Variants in PLXNB1 observed in about 807,000 individuals in gnomAD.
PLXNB1 encodes the protein plexin B1.
A neutral mutation model predicts 209.4 loss-of-function variants in PLXNB1; 106 were observed. The ratio of observed to expected loss-of-function variants is 0.51; its 90% confidence interval spans 0.43 to 0.59. The LOEUF (loss-of-function observed/expected upper bound fraction) is 0.59, where lower values mean the gene tolerates loss of function less well. PLXNB1 is among the 20% of genes least tolerant of loss of function. The probability of loss-of-function intolerance (pLI) is 0.00; values close to 1 mark genes in which losing one functional copy is unlikely to be tolerated. For synonymous variants in PLXNB1, 1,167 were observed against 1,183.2 expected, an observed-to-expected ratio of 0.99 and a Z score of 0.28; for missense variants, 2,357 against 2,853.2, an observed-to-expected ratio of 0.83 and a Z score of 3.96.
chr3:48,416,500 C>T lies in PLXNB1; in HGVS notation c.3375-49G>A. 1 of 1,322,942 alleles carries T rather than the reference C, an allele frequency of 7.6e-7. No homozygotes were observed. The highest frequency in any genetic ancestry group is 1.1e-6 in the Non-Finnish European group (1 of 936,134). The allele number at this position is 1,322,942 out of a possible 1,614,324, so 82.0% of individuals were successfully genotyped here. ...GGGTGCCAGGCTGCATCAAGGGCCC[C>T]TCAAGCTTACCTGGCAGCCCCTCTC... On this transcript the variant is annotated intron_variant, in intron 16 of 37. Coordinates refer to ENST00000296440, the MANE Select transcript of PLXNB1 (RefSeq NM_001130082.3). This position sits in a 1 kb window ranked among gnomAD's most constrained non-coding sequence, Gnocchi z 4.1.
At position 48,419,149 on chromosome 3, in the gene PLXNB1, T is replaced by C; in HGVS notation, c.2832+95A>G. On this transcript the variant is annotated intron_variant, in intron 12 of 37. Transcript: ENST00000296440. This position sits in a 1 kb window ranked among gnomAD's most constrained non-coding sequence, Gnocchi z 5.7. ...CAGCTTCTGGGTTGGAGTTGAGCCC[T>C]CGGACTCTGCCCTCCTCCTGCTCCC... 1 of 1,561,702 alleles carries C rather than the reference T, an allele frequency of 6.4e-7. No homozygotes were observed. Among genetic ancestry groups the C allele is most frequent in the Non-Finnish European group, 8.7e-7 (1 of 1,148,428 alleles).
intron 21 of PLXNB1, 30 bp downstream of exon 21, chr3:48,414,769 G>C: frequency 6.2e-7 from 1 of 1,605,284 alleles, no homozygotes; most frequent in South Asian, 1.1e-5. Context: ...AGGGTCTCGG[G>C]GCCCTGCCAG....
At position 48,420,766 on chromosome 3, in the gene PLXNB1, C is replaced by G. The variant is rs2038457438; in HGVS notation, c.1927G>C (p.Ala643Pro). Residue 643 changes from alanine (A) to proline (P), a missense_variant, in exon 10 of 38, where the codon GCC (alanine) becomes CCC (proline). Coordinates refer to ENST00000296440, the MANE Select transcript of PLXNB1 (RefSeq NM_001130082.3). Reference sequence around the variant, plus strand: ...CACCCCCAGCGGCTGCTCACACAGGCCTGGCACCTGCACAGAGCACAGCCA... The same window carrying G: ...CACCCCCAGCGGCTGCTCACACAGGGCTGGCACCTGCACAGAGCACAGCCA... ...TELRPSAQCQ[A>P]CVSSRWGCNW... 6.2e-7 allele frequency: 1 copy of G among 1,613,934 alleles called. No homozygotes were observed. The highest frequency in any genetic ancestry group is 1.1e-5 in the South Asian group (1 of 91,080).
rs2038042074 is a variant in PLXNB1, at chr3:48,415,701, C to T, written c.3676G>A (p.Ala1226Thr). The change falls in exon 19 of 38, where the codon GCC (alanine) becomes ACC (threonine). Residue 1226 changes from alanine to threonine, a missense_variant. Physicochemically the swap from Ala to Thr is moderately conservative, Grantham distance 58 (BLOSUM62 0). This residue lies in a region of PLXNB1 where 743 missense variants were observed against 896.2 expected (regional missense o/e 0.83). Coordinates refer to ENST00000296440, the MANE Select transcript of PLXNB1 (RefSeq NM_001130082.3). The surrounding 1 kb of genome is among the most constrained non-coding windows in gnomAD (Gnocchi z 5.0). ...AACCACACAGCCACAGGGAGCGTGG[C>T]AGGCGTGGGGCGTGGGCTGGTCTCA... ...RCETSPRPTP[A>T]TLPVAVWFGA... is the part of the protein sequence containing the mutation. 3.9e-6 allele frequency: 6 copies of T among 1,555,036 alleles called. No homozygotes were observed. The highest frequency in any genetic ancestry group is 4.4e-6 in the Non-Finnish European group (5 of 1,148,834).
At position 48,414,780 on chromosome 3, in the gene PLXNB1, G is replaced by C; in HGVS notation, c.4209+19C>G. On this transcript the variant is annotated intron_variant, in intron 21 of 37. Coordinates refer to ENST00000296440, the MANE Select transcript of PLXNB1 (RefSeq NM_001130082.3). ...GGGAAGGGTCTCGGGGCCCTGCCAGGTCCAAGTAGGAGCTGTACCTCCACG... is the reference window on the plus strand; with the variant it reads ...GGGAAGGGTCTCGGGGCCCTGCCAGCTCCAAGTAGGAGCTGTACCTCCACG... The C allele has an allele frequency of 1.2e-6, 2 of 1,609,086 alleles. No homozygotes were observed. Among genetic ancestry groups the C allele is most frequent in the South Asian group, 2.2e-5 (2 of 90,890 alleles).
At position 48,426,715 on chromosome 3, in the gene PLXNB1, T is replaced by C. The variant is rs150983703; in HGVS notation, c.-59-1382A>G. Among the ~76,000 whole-genome samples, 830 of 152,166 alleles carry C rather than the reference T, an allele frequency of 5.5e-3. 3 individuals are homozygous for C. The highest frequency in any genetic ancestry group is 8.6e-3 in the Non-Finnish European group (586 of 67,988). Reference sequence around the variant, plus strand: ...ATAGCTTGGGGGTTTCCATTTTTAGTGTGCAGAAAACAGGGCAGCTCTATG... The same window carrying C: ...ATAGCTTGGGGGTTTCCATTTTTAGCGTGCAGAAAACAGGGCAGCTCTATG... On this transcript the variant is annotated intron_variant, in intron 1 of 37. Coordinates refer to ENST00000296440, the MANE Select transcript of PLXNB1 (RefSeq NM_001130082.3).
chr3:48,422,924 A>G lies in PLXNB1; in HGVS notation c.1131T>C (p.Cys377=), dbSNP rs763491079. ...TGGGGCTGGGCGTGTGGTCTGAGCC[A>G]CAGGGATAAGCATCCAGGGTGTCCT... ...LPVDTLDAYP[C]GSDHTPSPMA... is the part of the protein sequence containing the mutation. The change falls in exon 4 of 38, where the codon TGT becomes TGC. Residue 377 remains cysteine (C), a synonymous_variant. Coordinates refer to ENST00000296440, the MANE Select transcript of PLXNB1 (RefSeq NM_001130082.3). The G allele has an allele frequency of 5.6e-6, 9 of 1,613,786 alleles. No individual in the cohort carries two copies. In the Admixed American group the frequency reaches 1.5e-4, roughly 27 times the overall value.
intron 6 of PLXNB1, 117 bp downstream of exon 6, chr3:48,421,988 T>G: frequency 7.9e-7 from 1 of 1,267,574 alleles, no homozygotes. Context: ...GGAATTGGGG[T>G]GTCTGGGGAT....
chr3:48,423,941 C>T lies in PLXNB1; in HGVS notation c.671G>A (p.Arg224His), dbSNP rs200677699. 50 of 1,614,114 alleles carry T rather than the reference C, an allele frequency of 3.1e-5. 1 individual carries two copies. In the Middle Eastern group the frequency reaches 6.6e-4, roughly 21 times the overall value. The change falls in exon 3 of 38, where the codon CGT becomes CAT. Residue 224 changes from arginine to histidine, a missense_variant. This residue lies in a region of PLXNB1 where 404 missense variants were observed against 443.6 expected (regional missense o/e 0.91). Transcript: ENST00000296440. The stretch of plus-strand genomic sequence containing the variant: ...GAACAGGAAGTAGGCGCTGGCCCCA[C>T]GTGCAAAGGCACTCACGAAGTGGTG... ...YSHHFVSAFA[R>H]GASAYFLFLR...
chr3:48,410,762 C>T lies in PLXNB1; in HGVS notation c.5416+106G>A. On this transcript the variant is annotated intron_variant, in intron 29 of 37. Transcript: ENST00000296440. This position sits in a 1 kb window ranked among gnomAD's most constrained non-coding sequence, Gnocchi z 6.4. ...CCAAAGCCAGCTTCTGCCTGCCTCC[C>T]AGCATCCTCCCCACCCTGAGTGATG... 3.3e-6 allele frequency: 4 copies of T among 1,206,266 alleles called. No individual in the cohort carries two copies. The highest frequency in any genetic ancestry group is 4.6e-5 in the Admixed American group (2 of 43,476). 74.7% of individuals were successfully genotyped at this position (1,206,266 alleles called of 1,614,324 possible). A position where few individuals can be genotyped will look rare whatever the true frequency, so the allele number is the denominator to read the frequency against.
intron 4 of PLXNB1, 120 bp downstream of exon 4, chr3:48,422,645 G>T: frequency 7.9e-7 from 1 of 1,266,684 alleles, no homozygotes; most frequent in Non-Finnish European, 1.1e-6. Context: ...CCTGGGGAGA[G>T]GAGCTCAGGT....
chr3:48,408,722 A>G (rs538071337), intron 34 of PLXNB1, among the ~76,000 whole-genome samples: 4 of 152,078 alleles, frequency 2.6e-5, no homozygotes, highest in Non-Finnish European at 4.4e-5. Context: ...CCATGTCTCT[A>G]TCTGGAAACC....
chr3:48,414,998 C>A lies in PLXNB1; in HGVS notation c.4010G>T (p.Cys1337Phe). Residue 1337 changes from cysteine to phenylalanine, a missense_variant, in exon 21 of 38, where the codon TGC (cysteine) becomes TTC (phenylalanine). Around this residue, in one of 7 missense-constraint regions of PLXNB1, gnomAD observed 743 missense variants for 896.2 expected, o/e 0.83. Coordinates refer to ENST00000296440, the MANE Select transcript of PLXNB1 (RefSeq NM_001130082.3). Reference protein sequence around the residue: ...CHVNSSQLITCRTPALPGLPE... With the variant: ...CHVNSSQLITFRTPALPGLPE... The stretch of plus-strand genomic sequence containing the variant: ...CAGGCCTGGGAGGGCAGGTGTGCGG[C>A]ACGTGATGAGCTGGGAGGAGTTGAC... 1 of 1,613,596 alleles carries A rather than the reference C, an allele frequency of 6.2e-7. No individual in the cohort carries two copies. The highest frequency in any genetic ancestry group is 8.5e-7 in the Non-Finnish European group (1 of 1,180,010).
intron 10 of PLXNB1, 35 bp downstream of exon 10, chr3:48,420,630 C>A (rs775095984): frequency 3.2e-6 from 5 of 1,548,724 alleles, no homozygotes; most frequent in East Asian, 4.5e-5. Context: ...GACCCCCAAC[C>A]CCCCCGGTAT....
rs746791897 is a variant in PLXNB1, at chr3:48,409,532, C to A, written c.5939+39G>T. 19 of 1,613,730 alleles carry A rather than the reference C, an allele frequency of 1.2e-5. No individual in the cohort carries two copies. Among genetic ancestry groups the A allele is most frequent in the Admixed American group, 1.7e-5 (1 of 60,016 alleles). ...GTGCTGGGGAGGCAGAAGAGAAGAC[C>A]CCCCACACACACCTAGAGCCCACCC... On this transcript the variant is annotated intron_variant, in intron 33 of 37. Transcript: ENST00000296440. This position sits in a 1 kb window ranked among gnomAD's most constrained non-coding sequence, Gnocchi z 5.8.
At chr3:48,425,366 G>A (rs570136112) in intron 1 of PLXNB1, 33 bp from the exon 2 acceptor site, 1 of 152,336 alleles carries the variant, frequency 6.6e-6, no homozygotes, top group African/African-American at 2.4e-5. Flanking sequence ...GTGAAGCCGG[G>A]GCCTGGGCTG....
At position 48,424,471 on chromosome 3, in the gene PLXNB1, G is replaced by T; in HGVS notation, c.141C>A (p.Leu47=). The change falls in exon 3 of 38, where the codon CTC becomes CTA. Residue 47 remains leucine, a synonymous_variant. Coordinates refer to ENST00000296440, the MANE Select transcript of PLXNB1 (RefSeq NM_001130082.3). ...ACAGGAAGTTGGTAGCCCCCAGGTA[G>T]AGGGTGCCTGAGGTGGGGTCCCTTG... ...HLARDPTSGT[L]YLGATNFLFQ... The T allele has an allele frequency of 6.2e-7, 1 of 1,600,794 alleles. No homozygotes were observed. Among genetic ancestry groups the T allele is most frequent in the Non-Finnish European group, 8.5e-7 (1 of 1,173,702 alleles).
rs774330892 is a variant in PLXNB1, at chr3:48,405,714, G to A, written c.6303+10C>T. 8.1e-6 allele frequency: 13 copies of A among 1,610,336 alleles called. No homozygotes were observed. In the East Asian group the frequency reaches 2.5e-4, roughly 30 times the overall value. ...GTCAGCCTCCCAGTCGGGGTCCAGG[G>A]CCTGCCCACCTGGTCATAGTACTTG... On this transcript the variant is annotated intron_variant, in intron 37 of 37. Coordinates refer to ENST00000296440, the MANE Select transcript of PLXNB1 (RefSeq NM_001130082.3). The surrounding 1 kb of genome is among the most constrained non-coding windows in gnomAD (Gnocchi z 5.0).
Position 48,429,831 on chromosome 3 carries a change from G to C in PLXNB1, c.-60+177C>G, listed in dbSNP as rs1435838381. Among the ~76,000 whole-genome samples the C allele has an allele frequency of 6.6e-6, 1 of 151,940 alleles. No homozygotes were observed. The highest frequency in any genetic ancestry group is 1.5e-5 in the Non-Finnish European group (1 of 67,930). On this transcript the variant is annotated intron_variant, in intron 1 of 37. Transcript: ENST00000296440. This position sits in a 1 kb window ranked among gnomAD's most constrained non-coding sequence, Gnocchi z 6.4. ...AGGCGGGGGGTCGCGCTCCGCACCC[G>C]CAGGTGCTGGTGGAACAGCGTCCCG...
Sources: gnomAD v4.1 joint callset for allele counts (sites outside exome capture counted in the v4.1 genomes callset) on GRCh38, gnomAD v4.1.1 for gene constraint, gnomAD v4.1.1 regional missense constraint, Gnocchi (gnomAD v3.1) non-coding constraint, MANE v1.5 for transcripts, NCBI Gene and HGNC (gene_info 2026-07-23, HGNC 2026-07-21) for gene names.